Variants in AFF2 observed in about 807,000 individuals in gnomAD.
The protein encoded by AFF2 is AF4/FMR2 family member 2.
AFF2 carries 14 observed loss-of-function variants against 76.9 expected under a neutral mutation model. That is an observed-to-expected ratio of 0.18 (90% CI 0.12 to 0.28). The LOEUF (loss-of-function observed/expected upper bound fraction) is 0.28, where lower values mean the gene tolerates loss of function less well. AFF2 is among the 10% of genes least tolerant of loss of function. The pLI is 1.00. For synonymous variants in AFF2, 398 were observed against 366.7 expected (o/e 1.09, Z -0.98); for missense variants, 868 against 1,001.1 (o/e 0.87, Z 1.79).
At chrX:148,664,399 T>C (rs1557258214) in intron 3 of AFF2, among the ~76,000 whole-genome samples, 1 of 111,712 alleles carries the variant, frequency 9.0e-6, no homozygotes, top group Admixed American at 9.5e-5. Flanking sequence ...TGGCTTGCTG[T>C]CCCCTCAGCC....
intron 4 of AFF2, among the ~76,000 whole-genome samples, chrX:148,818,585 T>C (rs1557272335): frequency 9.0e-6 from 1 of 111,598 alleles, no homozygotes; most frequent in Non-Finnish European, 1.9e-5. Flanking sequence ...ATATTAGAAG[T>C]ATATATGGAA....
chrX:148,897,234 T>A (rs868931349), intron 8 of AFF2, among the ~76,000 whole-genome samples: 1 of 20,150 alleles, frequency 5.0e-5, no homozygotes, highest in East Asian at 1.8e-3. Flanking sequence ...TATATATATA[T>A]ATATATATAT....
intron 3 of AFF2, among the ~76,000 whole-genome samples, chrX:148,667,224 A>G (rs2054369249): frequency 8.9e-6 from 1 of 112,544 alleles, no homozygotes; most frequent in African/African-American, 3.2e-5. Context: ...TATTGCTCAC[A>G]TTTGTGACTG....
chrX:148,811,717 G>A (rs1167743079), intron 4 of AFF2, among the ~76,000 whole-genome samples: 1 of 111,772 alleles, frequency 8.9e-6, no homozygotes, highest in Non-Finnish European at 1.9e-5. Context: ...AAGCAACCCA[G>A]CCCTGGTGCC....
At chrX:148,520,412 G>T (rs781934599) in intron 1 of AFF2, among the ~76,000 whole-genome samples, 7 of 111,819 alleles carry the variant, frequency 6.3e-5, no homozygotes, top group Non-Finnish European at 1.3e-4. Flanking sequence ...TGCCCACCAG[G>T]GTTGAGTTCA....
chrX:148,535,515 A>G (rs1557236454), intron 1 of AFF2, among the ~76,000 whole-genome samples: 1 of 112,647 alleles, frequency 8.9e-6, no homozygotes. Context: ...AGACTTCCAG[A>G]AAGGCAGAGT....
At chrX:148,717,256 T>TA (rs1469500462) in intron 3 of AFF2, among the ~76,000 whole-genome samples, 1 of 112,215 alleles carries the variant, frequency 8.9e-6, no homozygotes, top group Non-Finnish European at 1.9e-5. Context: ...TACGAATACA[T>TA]ACCACAACAT....
At chrX:148,852,389 GTTT>G (rs33916305) in intron 7 of AFF2, among the ~76,000 whole-genome samples, 144 of 78,806 alleles carry the variant, frequency 1.8e-3, no homozygotes, top group African/African-American at 5.4e-3. Flanking sequence ...CCAGCAGCTG[GTTT>G]TTTTTTTTTT....
intron 3 of AFF2, among the ~76,000 whole-genome samples, chrX:148,721,416 G>A (rs145098631): frequency 1.4e-3 from 162 of 112,023 alleles, no homozygotes; most frequent in African/African-American, 5.2e-3. Context: ...ACCTCATAGT[G>A]TCATTGTGAG....
At chrX:148,535,382 A>G (rs1325463667) in intron 1 of AFF2, among the ~76,000 whole-genome samples, 1 of 111,272 alleles carries the variant, frequency 9.0e-6, no homozygotes, top group African/African-American at 3.3e-5. Context: ...ATCATTCACT[A>G]TGTGTCTGAA....
chrX:148,732,370 A>G (rs1224870509), intron 3 of AFF2, among the ~76,000 whole-genome samples: 1 of 90,945 alleles, frequency 1.1e-5, no homozygotes, highest in Non-Finnish European at 2.1e-5. Context: ...GTGGGAATTG[A>G]ACAATGAGAT....
intron 9 of AFF2, among the ~76,000 whole-genome samples, chrX:148,935,216 C>CA (rs1442457925): frequency 9.2e-6 from 1 of 108,312 alleles, no homozygotes; most frequent in African/African-American, 3.4e-5. Flanking sequence ...CCATGTTGGA[C>CA]AAAAAATATT....
chrX:148,623,737 A>G (rs2053894464), intron 1 of AFF2, among the ~76,000 whole-genome samples: 2 of 110,302 alleles, frequency 1.8e-5, no homozygotes, highest in South Asian at 7.6e-4. Context: ...TGCATGGAAG[A>G]CTCGTGTAGG....
intron 1 of AFF2, among the ~76,000 whole-genome samples, chrX:148,574,663 C>G (rs1557243081): frequency 9.0e-6 from 1 of 111,164 alleles, no homozygotes; most frequent in Non-Finnish European, 1.9e-5. Context: ...TCTTTCCTGC[C>G]CTGCCCTTGT....
intron 1 of AFF2, among the ~76,000 whole-genome samples, chrX:148,636,779 A>G (rs782323095): frequency 2.2e-4 from 24 of 107,955 alleles, no homozygotes; most frequent in Non-Finnish European, 4.4e-4. Context: ...TGTGAATCAA[A>G]ATTTTTTCCA....
chrX:148,736,317 G>A (rs2055284132), intron 3 of AFF2, among the ~76,000 whole-genome samples: 1 of 112,116 alleles, frequency 8.9e-6, no homozygotes, highest in African/African-American at 3.2e-5. Flanking sequence ...ATTCTTGCAG[G>A]AGTGAGGTGG....
chrX:148,763,506 A>G (rs2069476931), intron 3 of AFF2, among the ~76,000 whole-genome samples: 2 of 110,324 alleles, frequency 1.8e-5, no homozygotes, highest in African/African-American at 3.3e-5. Flanking sequence ...GTGATATGGC[A>G]TGGTGACTCT....
At chrX:148,897,573 T>G (rs2071309126) in intron 8 of AFF2, among the ~76,000 whole-genome samples, 1 of 108,451 alleles carries the variant, frequency 9.2e-6, no homozygotes, top group Admixed American at 1.0e-4. Flanking sequence ...AGCAGGTTAA[T>G]GATAAAGATA....
chrX:148,667,740 T>C (rs782093986), intron 3 of AFF2, among the ~76,000 whole-genome samples: 45 of 111,655 alleles, frequency 4.0e-4, no homozygotes, highest in Admixed American at 3.9e-3. Flanking sequence ...ATTCAATTAC[T>C]TCCTATTGGG....
Sources: allele counts gnomAD v4.1 joint callset (sites outside exome capture counted in the v4.1 genomes callset), GRCh38; gene constraint gnomAD v4.1.1; transcripts MANE v1.5; gene names NCBI Gene and HGNC (gene_info 2026-07-23, HGNC 2026-07-21).